The following THSD7A variants were observed in gnomAD, a reference collection of about 807,000 sequenced individuals.
THSD7A encodes thrombospondin type 1 domain containing 7A, also known as thrombospondin type-1 domain-containing protein 7A.
A neutral mutation model predicts 231.3 loss-of-function variants in THSD7A; 96 were observed. The observed-to-expected ratio is 0.41, with a 90% CI of 0.35 to 0.49. THSD7A has a LOEUF of 0.49. Among genes scored for constraint, THSD7A ranks in the 20% least tolerant of loss-of-function variants. THSD7A has a pLI of 0.05. For missense variants in THSD7A, 2,290 were observed against 2,070.2 expected, an observed-to-expected ratio of 1.11 and a Z score of -2.06; for synonymous variants, 940 against 743.3, an observed-to-expected ratio of 1.26 and a Z score of -4.30.
intron 1 of THSD7A, among the ~76,000 whole-genome samples, chr7:11,815,577 C>T (rs941125022): frequency 6.6e-5 from 10 of 152,194 alleles, no homozygotes; most frequent in Middle Eastern, 3.4e-3. Context: ...GGATGCTACG[C>T]TATTGAAGTT....
intron 1 of THSD7A, among the ~76,000 whole-genome samples, chr7:11,821,533 T>A (rs1380765819): frequency 4.6e-5 from 7 of 150,878 alleles, no homozygotes; most frequent in East Asian, 1.9e-4. Flanking sequence ...AGAAAAAAAA[T>A]AATAATTTTA....
chr7:11,819,399 C>T (rs923250490), intron 1 of THSD7A, among the ~76,000 whole-genome samples: 1 of 152,178 alleles, frequency 6.6e-6, no homozygotes, highest in African/African-American at 2.4e-5. Flanking sequence ...ACTGCCCAAA[C>T]TTGGAAGCAA....
rs1562585904 is a variant in THSD7A at position 11,831,269 on chromosome 7, A to G, written c.190+488T>C. ...CTCACTGGAGCCCCATTTGCCTTTAATTGTTGGAACCGCCCTCACTTGGCT... is the reference window on the plus strand; with the variant it reads ...CTCACTGGAGCCCCATTTGCCTTTAGTTGTTGGAACCGCCCTCACTTGGCT... On this transcript the variant is annotated intron_variant, in intron 1 of 27. Transcript: ENST00000423059. The surrounding 1 kb of genome is among the most constrained non-coding windows in gnomAD (Gnocchi z 5.0). Among the ~76,000 whole-genome samples the G allele has an allele frequency of 6.6e-6, 1 of 152,182 alleles. No homozygotes were observed.
At chr7:11,389,763 T>C (rs1782909377) in intron 23 of THSD7A, among the ~76,000 whole-genome samples, 1 of 151,932 alleles carries the variant, frequency 6.6e-6, no homozygotes, top group Non-Finnish European at 1.5e-5. Context: ...GTTGTTCTTT[T>C]CCATGTTCAG....
intron 1 of THSD7A, among the ~76,000 whole-genome samples, chr7:11,809,438 AGAT>A (rs1784474271): frequency 6.6e-6 from 1 of 152,138 alleles, no homozygotes; most frequent in Admixed American, 6.6e-5. Flanking sequence ...GGCACTTCAA[AGAT>A]GATATTACAT....
intron 4 of THSD7A, among the ~76,000 whole-genome samples, chr7:11,565,975 A>G (rs1288610250): frequency 1.3e-5 from 2 of 152,214 alleles, no homozygotes; most frequent in East Asian, 3.8e-4. Flanking sequence ...TCCTTTTATT[A>G]GGCTAAGCAT....
At chr7:11,459,055 G>A (rs1051818570) in intron 11 of THSD7A, among the ~76,000 whole-genome samples, 18 of 152,078 alleles carry the variant, frequency 1.2e-4, no homozygotes, top group Non-Finnish European at 1.9e-4. Flanking sequence ...TACTGATCTT[G>A]TATTTCCTCC....
At chr7:11,502,219 C>G (rs1787365891) in intron 6 of THSD7A, among the ~76,000 whole-genome samples, 1 of 152,144 alleles carries the variant, frequency 6.6e-6, no homozygotes, top group Non-Finnish European at 1.5e-5. Flanking sequence ...GTATAAAGAG[C>G]TGGTATCATT....
chr7:11,424,815 G>A lies in THSD7A; in HGVS notation c.3264C>T (p.Val1088=). 1 of 1,613,972 alleles carries A rather than the reference G, an allele frequency of 6.2e-7. No individual in the cohort carries two copies. The highest frequency in any genetic ancestry group is 8.5e-7 in the Non-Finnish European group (1 of 1,179,878). Reference sequence around the variant, plus strand: ...ACTGGTTGCAGTCACTGTGGCATGGGACAACCTCATACACCTGAAACACAC... The same window carrying A: ...ACTGGTTGCAGTCACTGTGGCATGGAACAACCTCATACACCTGAAACACAC... ...HVNQAQVYEV[V]PCHSDCNQYL... is the part of the protein sequence containing the mutation. Residue 1088 remains valine, a synonymous_variant, in exon 16 of 28, where the codon GTC becomes GTT. Transcript: ENST00000423059.
chr7:11,654,256 T>G (rs991830370), intron 1 of THSD7A, among the ~76,000 whole-genome samples: 2 of 151,926 alleles, frequency 1.3e-5, no homozygotes, highest in Non-Finnish European at 2.9e-5. Flanking sequence ...GCAAATATTT[T>G]TAAAAGTCCT....
intron 1 of THSD7A, among the ~76,000 whole-genome samples, chr7:11,743,807 G>C (rs1313583608): frequency 2.0e-5 from 3 of 151,878 alleles, no homozygotes; most frequent in African/African-American, 7.2e-5. Context: ...CCTATTCTGT[G>C]TGATATTCCA....
intron 23 of THSD7A, among the ~76,000 whole-genome samples, chr7:11,392,612 C>T (rs2115333361): frequency 6.6e-6 from 1 of 152,338 alleles, no homozygotes; most frequent in East Asian, 1.9e-4. Flanking sequence ...CCACAGAGCT[C>T]AGCAAGCTAA....
At chr7:11,399,189 T>A (rs545480463) in intron 23 of THSD7A, among the ~76,000 whole-genome samples, 1 of 152,214 alleles carries the variant, frequency 6.6e-6, no homozygotes, top group East Asian at 1.9e-4. Flanking sequence ...TTTGTGTGCA[T>A]ATGTGAGTAT....
At chr7:11,700,958 T>A (rs1308041066) in intron 1 of THSD7A, among the ~76,000 whole-genome samples, 1 of 151,304 alleles carries the variant, frequency 6.6e-6, no homozygotes, top group East Asian at 2.0e-4. Flanking sequence ...GATATTTAAT[T>A]TTATTAATTT....
rs1785205383 is a variant in THSD7A, at chr7:11,831,848, C to T, written c.99G>A (p.Pro33=). The part of the protein sequence containing the change: ...LQLLPLPLPL[P]LLLLLLLRPG... Reference sequence around the variant, plus strand: ...GGCGTAGCAGCAGCAGCAGGAGCAGCGGCAGCGGCAGCGGCAGCGGCAGCA... The same window carrying T: ...GGCGTAGCAGCAGCAGCAGGAGCAGTGGCAGCGGCAGCGGCAGCGGCAGCA... The change falls in exon 1 of 28, where the codon CCG becomes CCA. Residue 33 remains proline, a synonymous_variant. Transcript: ENST00000423059. The surrounding 1 kb of genome is among the most constrained non-coding windows in gnomAD (Gnocchi z 5.0). The T allele has an allele frequency of 2.4e-6, 3 of 1,244,520 alleles. No homozygotes were observed. Among genetic ancestry groups the T allele is most frequent in the Non-Finnish European group, 3.0e-6 (3 of 983,918 alleles). The allele number at this position is 1,244,520 out of a possible 1,614,324, so 77.1% of individuals were successfully genotyped here.
intron 1 of THSD7A, among the ~76,000 whole-genome samples, chr7:11,827,708 T>A (rs1785072598): frequency 6.6e-6 from 1 of 152,176 alleles, no homozygotes; most frequent in Non-Finnish European, 1.5e-5. Context: ...GCTTACATCT[T>A]CAGCCTAACT....
chr7:11,615,381 C>A (rs903015563), intron 2 of THSD7A, among the ~76,000 whole-genome samples: 1 of 152,130 alleles, frequency 6.6e-6, no homozygotes, highest in African/African-American at 2.4e-5. Flanking sequence ...TGGAGCTGGG[C>A]AATTATCCCA....
Position 11,406,832 on chromosome 7 carries a change from T to C in THSD7A, c.4062+78A>G. The C allele has an allele frequency of 6.7e-7, 1 of 1,503,714 alleles. No individual in the cohort carries two copies. Among genetic ancestry groups the C allele is most frequent in the Non-Finnish European group, 9.0e-7 (1 of 1,111,650 alleles). The allele number at this position is 1,503,714 out of a possible 1,614,324, so 93.1% of individuals were successfully genotyped here. Reference sequence around the variant, plus strand: ...AGCTCTGAAACATATTTCTAACACATTATTTTTATGTTTTTCTGCAGATGA... The same window carrying C: ...AGCTCTGAAACATATTTCTAACACACTATTTTTATGTTTTTCTGCAGATGA... On this transcript the variant is annotated intron_variant, in intron 21 of 27. Coordinates refer to ENST00000423059, the MANE Select transcript of THSD7A (RefSeq NM_015204.3). The surrounding 1 kb of genome is among the most constrained non-coding windows in gnomAD (Gnocchi z 4.7).
chr7:11,546,202 G>GCGCGCACACACA (rs761841418), intron 4 of THSD7A, among the ~76,000 whole-genome samples: 4,795 of 129,438 alleles, frequency 0.037, 100 homozygotes, highest in Non-Finnish European at 0.048. Context: ...GTGGGCGCGC[G>GCGCGCACACACA]CTCACACACA....
Sources: allele counts gnomAD v4.1 joint callset (sites outside exome capture counted in the v4.1 genomes callset), GRCh38; gene constraint gnomAD v4.1.1; non-coding constraint Gnocchi (gnomAD v3.1); transcripts MANE v1.5; gene names NCBI Gene and HGNC (gene_info 2026-07-23, HGNC 2026-07-21).